The following EPB41L4A variants were observed in gnomAD, a reference collection of about 807,000 sequenced individuals.
EPB41L4A encodes the protein band 4.1-like protein 4A.
A neutral mutation model predicts 108.6 loss-of-function variants in EPB41L4A; 100 were observed. The ratio of observed to expected loss-of-function variants is 0.92; its 90% CI spans 0.78 to 1.09. The LOEUF (loss-of-function observed/expected upper bound fraction) is 1.09. Ranked by LOEUF, EPB41L4A falls within the 50% of genes least tolerant of loss-of-function variation. EPB41L4A has a pLI of 0.00. For synonymous variants in EPB41L4A, 319 were observed against 289.0 expected (o/e 1.10, Z -1.05); for missense variants, 1,030 against 842.7 (o/e 1.22, Z -2.75).
At position 112,391,168 on chromosome 5, in the gene EPB41L4A, T is replaced by A. The variant is rs551649921; in HGVS notation, c.99+27773A>T. Among the ~76,000 whole-genome samples the A allele has an allele frequency of 1.3e-4, 20 of 152,250 alleles. No individual in the cohort carries two copies. The South Asian group carries it at 3.7e-3, about 28-fold the overall frequency. ...CTAAAAACTAGAGCGCCTCTTCTCC[T>A]CCAAAGGACTGCAGCTCCTCGCCAG... On this transcript the variant is annotated intron_variant, in intron 1 of 22. Coordinates refer to ENST00000261486, the MANE Select transcript of EPB41L4A (RefSeq NM_022140.5).
At chr5:112,197,316 C>G (rs1762012483) in intron 15 of EPB41L4A, among the ~76,000 whole-genome samples, 1 of 152,172 alleles carries the variant, frequency 6.6e-6, no homozygotes, top group African/African-American at 2.4e-5. Flanking sequence ...AATCTGTAAT[C>G]TAGCACCTTC....
chr5:112,317,921 A>T (rs1333580277), intron 1 of EPB41L4A, among the ~76,000 whole-genome samples: 7 of 152,222 alleles, frequency 4.6e-5, no homozygotes. Context: ...CAATAATTTT[A>T]GAGTGTAAGG....
rs1415777389 is a variant in EPB41L4A, at chr5:112,377,652, A to G, written c.99+41289T>C. Among the ~76,000 whole-genome samples, 3 of 152,186 alleles carry G rather than the reference A, an allele frequency of 2.0e-5. No homozygotes were observed. The East Asian group carries it at 5.8e-4, about 29-fold the overall frequency. On this transcript the variant is annotated intron_variant, in intron 1 of 22. Coordinates refer to ENST00000261486, the MANE Select transcript of EPB41L4A (RefSeq NM_022140.5). ...CCAATTATTCCCATGGCGACCCTCA[A>G]CATAATATTAACTATCAAACCTAGA...
At position 112,165,019 on chromosome 5, in the gene EPB41L4A, G is replaced by T; in HGVS notation, c.2032C>A (p.Gln678Lys). Residue 678 changes from glutamine to lysine, a missense_variant, in exon 23 of 23, where the codon CAA (glutamine) becomes AAA (lysine). Transcript: ENST00000261486. ...GTCTCTGTCTTGAGGCGGGAAGCTTGTATAGTTTTTATTGTTTTTGCTGTG... is the reference window on the plus strand; with the variant it reads ...GTCTCTGTCTTGAGGCGGGAAGCTTTTATAGTTTTTATTGTTTTTGCTGTG... ...KHTAKTIKTI[Q>K]ASRLKTET 6.2e-7 allele frequency: 1 copy of T among 1,613,896 alleles called. No individual in the cohort carries two copies. Among genetic ancestry groups the T allele is most frequent in the Non-Finnish European group, 8.5e-7 (1 of 1,179,964 alleles).
chr5:112,360,079 G>T (rs1758621768), intron 1 of EPB41L4A, among the ~76,000 whole-genome samples: 3 of 152,132 alleles, frequency 2.0e-5, no homozygotes, highest in African/African-American at 7.2e-5. Context: ...AAGCATGGTG[G>T]CTCATGCCTG....
chr5:112,411,605 G>A (rs948718034), intron 1 of EPB41L4A, among the ~76,000 whole-genome samples: 30 of 149,258 alleles, frequency 2.0e-4, no homozygotes, highest in Non-Finnish European at 2.4e-4. Context: ...TCAGCTTACA[G>A]ATAAGGAAAC....
chr5:112,325,846 T>C (rs1334300850), intron 1 of EPB41L4A, among the ~76,000 whole-genome samples: 4 of 152,134 alleles, frequency 2.6e-5, no homozygotes, highest in Admixed American at 2.0e-4. Context: ...ATTCTATGAA[T>C]ATGTTAAGAA....
chr5:112,168,783 G>A lies in EPB41L4A; in HGVS notation c.1888C>T (p.Arg630Cys), dbSNP rs766163075. The change falls in exon 22 of 23, where the codon CGT becomes TGT. Residue 630 changes from arginine (R) to cysteine (C), a missense_variant. By Grantham distance (180) the Arg-to-Cys change is radical. Coordinates refer to ENST00000261486, the MANE Select transcript of EPB41L4A (RefSeq NM_022140.5). ...TDLVPPLPVT[R>C]SSDAQGSGDA... ...CCAGAACCCTGAGCATCCGAAGAAC[G>A]GGTCACCGGAAGTGGTGGTACAAGA... 5 of 1,614,092 alleles carry A rather than the reference G, an allele frequency of 3.1e-6. No homozygotes were observed. The highest frequency in any genetic ancestry group is 4.2e-6 in the Non-Finnish European group (5 of 1,179,964).
At chr5:112,267,480 C>A (rs185215498) in intron 4 of EPB41L4A, among the ~76,000 whole-genome samples, 43 of 152,264 alleles carry the variant, frequency 2.8e-4, no homozygotes, top group Non-Finnish European at 5.0e-4. Flanking sequence ...AGAAAATTTG[C>A]TCAATGTCCC....
chr5:112,377,770 C>T (rs1294335033), intron 1 of EPB41L4A, among the ~76,000 whole-genome samples: 1 of 152,120 alleles, frequency 6.6e-6, no homozygotes, highest in African/African-American at 2.4e-5. Context: ...ATAACTCAAA[C>T]CCCTCTCTTC....
At chr5:112,181,871 G>C (rs915986664) in intron 18 of EPB41L4A, among the ~76,000 whole-genome samples, 2 of 152,098 alleles carry the variant, frequency 1.3e-5, no homozygotes, top group African/African-American at 4.8e-5. Context: ...TCAGGAGTTT[G>C]AGACCAGCCT....
At chr5:112,147,773 G>A (rs991355641) in intron 12 of EPB41L4A, among the ~76,000 whole-genome samples, 5 of 151,772 alleles carry the variant, frequency 3.3e-5, no homozygotes, top group African/African-American at 1.2e-4. Context: ...AGGCCTACCT[G>A]GCTTTTGATA....
At chr5:112,361,710 A>AAAAAAT (rs1158670604) in intron 1 of EPB41L4A, among the ~76,000 whole-genome samples, 1 of 140,632 alleles carries the variant, frequency 7.1e-6, no homozygotes, top group African/African-American at 2.6e-5. Context: ...TGCTAAAAAA[A>AAAAAAT]AATAATAATA....
intron 1 of EPB41L4A, among the ~76,000 whole-genome samples, chr5:112,383,745 G>A (rs1049793650): frequency 2.6e-5 from 4 of 151,854 alleles, no homozygotes; most frequent in Non-Finnish European, 5.9e-5. Flanking sequence ...AAATGGGGGT[G>A]GGGGAAAAGC....
upstream of EPB41L4A, chr5:112,419,783 T>C (rs1418387918): frequency 8.8e-6 from 4 of 456,680 alleles, no homozygotes; most frequent in South Asian, 6.2e-5. Context: ...GGAGGTCAGC[T>C]CGTCGCGGGG....
At position 112,204,428 on chromosome 5, in the gene EPB41L4A, G is replaced by A. The variant is rs1762369131; in HGVS notation, c.1323C>T (p.Arg441=). The A allele has an allele frequency of 6.2e-7, 1 of 1,613,854 alleles. No homozygotes were observed. The highest frequency in any genetic ancestry group is 1.1e-5 in the South Asian group (1 of 91,072). ...TKSPKFPYTR[R]RNPSCGSDND... The stretch of plus-strand genomic sequence containing the variant: ...TGTCACTTCCACAGGAGGGGTTTCG[G>A]CGACGCGTGTAAGGGAACTTTGGCG... Residue 441 remains arginine (R), a synonymous_variant, in exon 15 of 23, where the codon CGC becomes CGT. Coordinates refer to ENST00000261486, the MANE Select transcript of EPB41L4A (RefSeq NM_022140.5).
At chr5:112,342,471 T>G (rs1459676589) in intron 1 of EPB41L4A, among the ~76,000 whole-genome samples, 1 of 152,148 alleles carries the variant, frequency 6.6e-6, no homozygotes, top group African/African-American at 2.4e-5. Context: ...GGTGGCAGAT[T>G]TTACAGAGTT....
At chr5:112,288,838 T>G (rs901396022) in intron 2 of EPB41L4A, among the ~76,000 whole-genome samples, 2 of 152,080 alleles carry the variant, frequency 1.3e-5, no homozygotes, top group Admixed American at 6.6e-5. Flanking sequence ...TATCTTTTTT[T>G]TTTTTTTATG....
chr5:112,209,841 C>T lies in EPB41L4A; in HGVS notation c.1178+51G>A, dbSNP rs745308338. ...TTTAACCTTGTCTACAGAAAAAAAG[C>T]ATTTTTACAACAGCATATAATTGTA... On this transcript the variant is annotated intron_variant, in intron 13 of 22. Transcript: ENST00000261486. 5 of 1,164,340 alleles carry T rather than the reference C, an allele frequency of 4.3e-6. No homozygotes were observed. The South Asian group carries it at 5.4e-5, about 13-fold the overall frequency. The allele number at this position is 1,164,340 out of a possible 1,614,324, so 72.1% of individuals were successfully genotyped here. A position where few individuals can be genotyped will look rare whatever the true frequency, so the allele number is the denominator to read the frequency against.
Sources: gnomAD v4.1 joint callset for allele counts (sites outside exome capture counted in the v4.1 genomes callset) on GRCh38, gnomAD v4.1.1 for gene constraint, MANE v1.5 for transcripts, NCBI Gene and HGNC (gene_info 2026-07-23, HGNC 2026-07-21) for gene names.